EPHA6: variants seen among roughly 807,000 people sequenced by gnomAD.
EPHA6 encodes ephrin type-A receptor 6.
Under a neutral mutation model 112.0 loss-of-function variants are expected in EPHA6, and 50 were observed. The ratio of observed to expected loss-of-function variants is 0.45; its 90% confidence interval spans 0.36 to 0.56. The LOEUF is 0.56. EPHA6 is among the 20% of genes least tolerant of loss of function. The pLI, the probability that EPHA6 is intolerant of heterozygous loss-of-function variation, is 0.00. For missense variants in EPHA6, 1,280 were observed against 1,417.4 expected (o/e 0.90, Z 1.56); for synonymous variants, 529 against 490.7 (o/e 1.08, Z -1.03).
intron 3 of EPHA6, among the ~76,000 whole-genome samples, chr3:97,104,193 A>G (rs893739898): frequency 7.2e-5 from 11 of 152,022 alleles, no homozygotes; most frequent in Non-Finnish European, 2.9e-5. Flanking sequence ...GTTGAATAGG[A>G]GTGGTGAGAG....
intron 3 of EPHA6, among the ~76,000 whole-genome samples, chr3:97,029,242 A>G (rs2044742983): frequency 6.6e-6 from 1 of 151,760 alleles, no homozygotes; most frequent in South Asian, 2.1e-4. Context: ...TCTAAATTCC[A>G]GTTTTATTAC....
chr3:96,814,673 C>T lies in EPHA6; in HGVS notation c.50C>T (p.Ala17Val). The T allele has an allele frequency of 6.7e-7, 1 of 1,483,710 alleles. No individual in the cohort carries two copies. The allele number at this position is 1,483,710 out of a possible 1,614,324, so 91.9% of individuals were successfully genotyped here. Residue 17 changes from alanine to valine, a missense_variant, in exon 1 of 18, where the codon GCA (alanine) becomes GTA (valine). Physicochemically the swap from Ala to Val is moderately conservative, Grantham distance 64. Coordinates refer to ENST00000389672, the MANE Select transcript of EPHA6 (RefSeq NM_001080448.3). ...GCGAGGAGCTCCCCGGCGCCGCAGG[C>T]AGCGTCCTCCTCCGAAGCAGCTGCA... ...PAARSSPAPQAASSSEAAAPA... is the reference protein window; with the variant it reads ...PAARSSPAPQVASSSEAAAPA...
chr3:97,030,513 T>A (rs1381704458), intron 3 of EPHA6, among the ~76,000 whole-genome samples: 1 of 152,098 alleles, frequency 6.6e-6, no homozygotes, highest in Non-Finnish European at 1.5e-5. Flanking sequence ...TCTAACTTTT[T>A]TCTCCTCCTT....
At chr3:97,634,661 C>T (rs2093931119) in intron 13 of EPHA6, among the ~76,000 whole-genome samples, 1 of 152,014 alleles carries the variant, frequency 6.6e-6, no homozygotes, top group Non-Finnish European at 1.5e-5. Context: ...GGCCATGACC[C>T]CTTTACACGA....
intron 3 of EPHA6, among the ~76,000 whole-genome samples, chr3:97,139,289 C>G (rs998856692): frequency 4.6e-5 from 7 of 152,188 alleles, no homozygotes; most frequent in African/African-American, 1.4e-4. Context: ...CCTACAAGCA[C>G]CACCTACTGG....
intron 6 of EPHA6, among the ~76,000 whole-genome samples, chr3:97,442,361 G>C (rs1310611115): frequency 6.6e-6 from 1 of 152,144 alleles, no homozygotes; most frequent in Non-Finnish European, 1.5e-5. Context: ...CAAGGCGAGT[G>C]GACCACTTGA....
intron 5 of EPHA6, among the ~76,000 whole-genome samples, chr3:97,305,728 G>C (rs901529353): frequency 1.4e-4 from 21 of 151,826 alleles, no homozygotes; most frequent in Admixed American, 7.9e-4. Context: ...GGGGATGGGG[G>C]GAGCGAGAGC....
intron 2 of EPHA6, among the ~76,000 whole-genome samples, chr3:96,946,339 G>A (rs1462797716): frequency 3.8e-5 from 5 of 130,820 alleles, no homozygotes; most frequent in East Asian, 2.7e-4. Context: ...CCCACCCCAC[G>A]ACAGGCCCCG....
intron 3 of EPHA6, among the ~76,000 whole-genome samples, chr3:97,030,482 A>G (rs977567307): frequency 6.6e-6 from 1 of 151,912 alleles, no homozygotes; most frequent in Non-Finnish European, 1.5e-5. Context: ...TGTCTCCCCT[A>G]CTTCTGTAAC....
intron 1 of EPHA6, among the ~76,000 whole-genome samples, chr3:96,850,868 A>T (rs2035340405): frequency 2.0e-5 from 3 of 152,164 alleles, no homozygotes; most frequent in South Asian, 2.1e-4. Flanking sequence ...TTTTGTAAGT[A>T]AAAGTGGCAG....
At chr3:97,617,102 G>A (rs374689207) in intron 13 of EPHA6, among the ~76,000 whole-genome samples, 8 of 152,098 alleles carry the variant, frequency 5.3e-5, no homozygotes, top group Admixed American at 6.6e-5. Flanking sequence ...AACCTTATAA[G>A]CCACAAGACA....
intron 11 of EPHA6, among the ~76,000 whole-genome samples, chr3:97,539,011 C>CTTTCT (rs1439622037): frequency 6.7e-6 from 1 of 150,178 alleles, no homozygotes; most frequent in African/African-American, 2.5e-5. Context: ...TTCTTTCTTT[C>CTTTCT]TTTCTTTCTT....
rs993671727 is a variant in EPHA6 at position 97,482,749 on chromosome 3, G to T, written c.2075-1185G>T. ...AGAGTCAAACAACAGTTAACGCTGG[G>T]TATTATAAGACTTTCAAAATCTAAG... On this transcript the variant is annotated intron_variant, in intron 9 of 17. Transcript: ENST00000389672. 2.0e-5 allele frequency among the ~76,000 whole-genome samples: 3 copies of T among 152,066 alleles called. No individual in the cohort carries two copies. The South Asian group carries it at 6.2e-4, about 32-fold the overall frequency.
At chr3:97,596,370 A>G (rs2107369872) in intron 12 of EPHA6, among the ~76,000 whole-genome samples, 1 of 152,306 alleles carries the variant, frequency 6.6e-6, no homozygotes, top group Middle Eastern at 3.4e-3. Context: ...TCACATTATG[A>G]CAGATTTCAC....
At chr3:97,335,253 C>G (rs1159017472) in intron 5 of EPHA6, among the ~76,000 whole-genome samples, 1 of 152,092 alleles carries the variant, frequency 6.6e-6, no homozygotes, top group Non-Finnish European at 1.5e-5. Context: ...CTTTCTGTCT[C>G]TAGATATCTC....
At chr3:96,927,483 T>C (rs1300901138) in intron 2 of EPHA6, among the ~76,000 whole-genome samples, 2 of 152,232 alleles carry the variant, frequency 1.3e-5, no homozygotes, top group African/African-American at 4.8e-5. Flanking sequence ...ACTCTTTTCT[T>C]TTAAACATAA....
intron 5 of EPHA6, among the ~76,000 whole-genome samples, chr3:97,322,650 T>A (rs889162172): frequency 2.6e-5 from 4 of 152,052 alleles, no homozygotes; most frequent in Non-Finnish European, 4.4e-5. Flanking sequence ...CTAGAAAATA[T>A]CATGCTATAA....
At chr3:97,723,237 G>C (rs1044909246) in intron 15 of EPHA6, among the ~76,000 whole-genome samples, 2 of 152,152 alleles carry the variant, frequency 1.3e-5, no homozygotes, top group African/African-American at 4.8e-5. Context: ...TAGGAGAGCA[G>C]CTTTTGCCCA....
At position 97,292,314 on chromosome 3, in the gene EPHA6, C is replaced by T. The variant is rs1479670162; in HGVS notation, c.1606+48027C>T. On this transcript the variant is annotated intron_variant, in intron 5 of 17. Coordinates refer to ENST00000389672, the MANE Select transcript of EPHA6 (RefSeq NM_001080448.3). ...ACAGCTCTTCTCTCCTTGTCACTCA[C>T]AATGTGGTAAATGGGGGAGAAAAGT... Among the ~76,000 whole-genome samples, 4 of 152,362 alleles carry T rather than the reference C, an allele frequency of 2.6e-5. No homozygotes were observed. In the East Asian group the frequency reaches 7.7e-4, roughly 29 times the overall value.
Sources: allele counts gnomAD v4.1 joint callset (sites outside exome capture counted in the v4.1 genomes callset), GRCh38; gene constraint gnomAD v4.1.1; transcripts MANE v1.5; gene names NCBI Gene and HGNC (gene_info 2026-07-23, HGNC 2026-07-21).